The following CEP128 variants were observed in gnomAD, a reference collection of about 807,000 sequenced individuals.
CEP128 encodes the protein centrosomal protein 128.
In CEP128, 132 loss-of-function variants were observed where a neutral mutation model predicts 156.7. That is an observed-to-expected ratio of 0.84 (90% CI 0.73 to 0.97). The LOEUF is 0.97. Ranked by LOEUF, CEP128 falls within the 50% of genes least tolerant of loss-of-function variation. CEP128 has a pLI of 0.00. For missense variants in CEP128, 1,252 were observed against 1,281.9 expected (o/e 0.98, Z 0.36); for synonymous variants, 469 against 448.9 (o/e 1.04, Z -0.57).
In CEP128 at chr14:80,721,178, T is replaced by A. The variant is rs1595282761; in HGVS notation, c.2806+21897A>T. On this transcript the variant is annotated intron_variant, in intron 19 of 24. Transcript: ENST00000555265. Reference sequence around the variant, plus strand: ...TAAGATCCCTTAAATAATTTTTACATATAAAAGATTTTTTCATAAATAGGA... The same window carrying A: ...TAAGATCCCTTAAATAATTTTTACAAATAAAAGATTTTTTCATAAATAGGA... 2.6e-5 allele frequency among the ~76,000 whole-genome samples: 4 copies of A among 152,322 alleles called. No individual in the cohort carries two copies. The South Asian group carries it at 8.3e-4, about 32-fold the overall frequency.
chr14:80,875,132 G>A (rs185677895), intron 8 of CEP128, among the ~76,000 whole-genome samples: 4 of 152,266 alleles, frequency 2.6e-5, no homozygotes, highest in African/African-American at 9.6e-5. Context: ...AAAAAGTGTT[G>A]AGCTGAGAGA....
At chr14:80,777,811 T>C (rs1900876449) in intron 16 of CEP128, 71 bp downstream of exon 16, 3 of 1,176,292 alleles carry the variant, frequency 2.6e-6, no homozygotes, top group African/African-American at 1.5e-5. Flanking sequence ...TTTGTTGATA[T>C]ATAAAATATT....
At chr14:80,501,579 A>C (rs966294748) in intron 24 of CEP128, among the ~76,000 whole-genome samples, 2 of 151,432 alleles carry the variant, frequency 1.3e-5, no homozygotes, top group Non-Finnish European at 2.9e-5. Flanking sequence ...ATCTTGGCTC[A>C]CTGCAACCTC....
At chr14:80,954,562 T>G (rs993093983) in intron 2 of CEP128, among the ~76,000 whole-genome samples, 16 of 152,212 alleles carry the variant, frequency 1.1e-4, no homozygotes, top group Admixed American at 4.6e-4. Flanking sequence ...TTCTAGTCAA[T>G]CTTTCCTAAC....
intron 12 of CEP128, among the ~76,000 whole-genome samples, chr14:80,831,528 C>G (rs1885799277): frequency 6.6e-6 from 1 of 151,506 alleles, no homozygotes; most frequent in African/African-American, 2.4e-5. Context: ...AAAATGTTAC[C>G]TGATTTCTAC....
intron 4 of CEP128, among the ~76,000 whole-genome samples, chr14:80,908,461 T>TG (rs1295770240): frequency 1.3e-5 from 2 of 151,516 alleles, no homozygotes; most frequent in African/African-American, 4.9e-5. Flanking sequence ...CACAAGCTGT[T>TG]GTTCACTCTA....
Position 80,785,344 on chromosome 14 carries a change from T to C in CEP128, c.1762A>G (p.Ile588Val), listed in dbSNP as rs755088131. The C allele has an allele frequency of 4.3e-6, 7 of 1,614,190 alleles. No individual in the cohort carries two copies. The South Asian group carries it at 6.6e-5, about 15-fold the overall frequency. Reference protein sequence around the residue: ...ELEVKNSLDTIHRLESELKKQ... With the variant: ...ELEVKNSLDTVHRLESELKKQ... ...TTCAATTCGCTCTCCAGTCTATGGA[T>C]GGTATCCAGGGAATTCTTAACTTCC... The change falls in exon 15 of 25, where the codon ATC becomes GTC. Residue 588 changes from isoleucine to valine, a missense_variant. Physicochemically the swap from Ile to Val is conservative, Grantham distance 29. Coordinates refer to ENST00000555265, the MANE Select transcript of CEP128 (RefSeq NM_152446.5).
chr14:80,696,180 A>G (rs1357969910), intron 19 of CEP128, among the ~76,000 whole-genome samples: 3 of 152,338 alleles, frequency 2.0e-5, no homozygotes, highest in East Asian at 1.9e-4. Flanking sequence ...GGGCTGTTAG[A>G]AGGAGACCGG....
At chr14:80,705,756 A>AGCCATAT (rs1897221800) in intron 19 of CEP128, among the ~76,000 whole-genome samples, 1 of 152,084 alleles carries the variant, frequency 6.6e-6, no homozygotes, top group Non-Finnish European at 1.5e-5. Context: ...ACTTATAGAG[A>AGCCATAT]GCCATATGTG....
At chr14:80,610,426 G>A (rs2140578628) in intron 19 of CEP128, among the ~76,000 whole-genome samples, 1 of 152,146 alleles carries the variant, frequency 6.6e-6, no homozygotes, top group Non-Finnish European at 1.5e-5. Flanking sequence ...GTGTGGTACT[G>A]TTTTATAAAT....
chr14:80,933,722 G>A (rs550872031), intron 2 of CEP128, among the ~76,000 whole-genome samples: 2 of 152,264 alleles, frequency 1.3e-5, no homozygotes, highest in East Asian at 3.9e-4. Context: ...AATACGTCAA[G>A]TAGGAAAAGG....
At chr14:80,706,997 C>G (rs1033088795) in intron 19 of CEP128, among the ~76,000 whole-genome samples, 1 of 151,914 alleles carries the variant, frequency 6.6e-6, no homozygotes, top group Non-Finnish European at 1.5e-5. Flanking sequence ...ACTTTTATTT[C>G]TTTGTTGAGA....
chr14:80,484,323 T>C (rs1178473623), intron 14 of CEP128, among the ~76,000 whole-genome samples: 1 of 152,182 alleles, frequency 6.6e-6, no homozygotes, highest in Non-Finnish European at 1.5e-5. Context: ...GCTAGACCTC[T>C]GGCTACTAAT....
At chr14:80,578,104 A>C (rs1245756292) in intron 20 of CEP128, among the ~76,000 whole-genome samples, 2 of 152,200 alleles carry the variant, frequency 1.3e-5, no homozygotes, top group Non-Finnish European at 2.9e-5. Context: ...ATGTTCCCAC[A>C]GTCACTTATA....
At chr14:80,579,877 A>C (rs1474779168) in intron 20 of CEP128, among the ~76,000 whole-genome samples, 3 of 152,216 alleles carry the variant, frequency 2.0e-5, no homozygotes, top group Non-Finnish European at 4.4e-5. Context: ...TTCGAGTGGA[A>C]TCTTTCTAAC....
intron 19 of CEP128, among the ~76,000 whole-genome samples, chr14:80,660,255 G>A (rs1015895300): frequency 2.0e-5 from 3 of 152,040 alleles, no homozygotes; most frequent in African/African-American, 7.2e-5. Flanking sequence ...CTTCAAACAC[G>A]TCACTGTATT....
At chr14:80,668,259 A>G (rs1256955212) in intron 19 of CEP128, among the ~76,000 whole-genome samples, 2 of 152,236 alleles carry the variant, frequency 1.3e-5, no homozygotes, top group African/African-American at 2.4e-5. Flanking sequence ...GGATTCCACC[A>G]GAGCCTGTAA....
intron 19 of CEP128, among the ~76,000 whole-genome samples, chr14:80,695,208 GA>G (rs1009132869): frequency 6.2e-4 from 89 of 143,178 alleles, no homozygotes; most frequent in East Asian, 5.5e-3. Context: ...GAAAAGAAAA[GA>G]AAAAAAAAAA....
At chr14:80,880,396 G>C (rs1888475633) in intron 8 of CEP128, among the ~76,000 whole-genome samples, 3 of 152,048 alleles carry the variant, frequency 2.0e-5, no homozygotes, top group Admixed American at 2.0e-4. Flanking sequence ...AAAACTGAAA[G>C]CTTTTCCATT....
Sources: gnomAD v4.1 joint callset for allele counts (sites outside exome capture counted in the v4.1 genomes callset) on GRCh38, gnomAD v4.1.1 for gene constraint, MANE v1.5 for transcripts, NCBI Gene and HGNC (gene_info 2026-07-23, HGNC 2026-07-21) for gene names.